Variants in SHANK2 observed in about 807,000 individuals in gnomAD.
SHANK2 encodes the protein SH3 and multiple ankyrin repeat domains 2, also known as SH3 and multiple ankyrin repeat domains protein 2.
SHANK2 carries 43 observed loss-of-function variants against 133.7 expected under a neutral mutation model. The observed-to-expected ratio is 0.32, with a 90% confidence interval of 0.25 to 0.41. The LOEUF is 0.41. SHANK2 is among the 10% of genes least tolerant of loss of function. The pLI, the probability that SHANK2 is intolerant of heterozygous loss-of-function variation, is 1.00. For missense variants in SHANK2, 1,994 were observed against 2,235.8 expected, an observed-to-expected ratio of 0.89 and a Z score of 2.18; for synonymous variants, 1,017 against 952.8, an observed-to-expected ratio of 1.07 and a Z score of -1.24.
intron 15 of SHANK2, among the ~76,000 whole-genome samples, chr11:70,693,428 G>A (rs1945330583): frequency 6.6e-6 from 1 of 151,992 alleles, no homozygotes; most frequent in African/African-American, 2.4e-5. Context: ...TCTCTTGAGG[G>A]GTGATTCCTC....
chr11:70,825,423 A>AG (rs1424712154), intron 11 of SHANK2, among the ~76,000 whole-genome samples: 3 of 152,184 alleles, frequency 2.0e-5, no homozygotes, highest in African/African-American at 7.2e-5. Context: ...ATGGACTTAG[A>AG]GGGGGGAAGA....
chr11:70,807,457 C>A lies in SHANK2; in HGVS notation c.1494-286G>T, dbSNP rs2135273277. 1.3e-5 allele frequency among the ~76,000 whole-genome samples: 2 copies of A among 152,310 alleles called. No homozygotes were observed. The highest frequency in any genetic ancestry group is 1.9e-4 in the East Asian group (1 of 5,164). On this transcript the variant is annotated intron_variant, in intron 12 of 25. Coordinates refer to ENST00000601538, the MANE Select transcript of SHANK2 (RefSeq NM_012309.5). This position sits in a 1 kb window ranked among gnomAD's most constrained non-coding sequence, Gnocchi z 4.8. ...TTCACAGTGGCACCGTTCACAGCAG[C>A]CCAAGGGTCCCTCCACAGAATGGAG...
chr11:70,649,029 G>A (rs963948044), intron 17 of SHANK2, among the ~76,000 whole-genome samples: 16 of 152,174 alleles, frequency 1.1e-4, no homozygotes, highest in Non-Finnish European at 2.2e-4. Flanking sequence ...CAAGTGTCTG[G>A]GGACAGGAGG....
intron 17 of SHANK2, among the ~76,000 whole-genome samples, chr11:70,632,601 A>G (rs1197667362): frequency 6.6e-6 from 1 of 151,676 alleles, no homozygotes; most frequent in Non-Finnish European, 1.5e-5. Context: ...CTCCCCACAT[A>G]CCATTTTCCC....
chr11:70,601,631 C>A (rs958627495), intron 17 of SHANK2, among the ~76,000 whole-genome samples: 1 of 152,152 alleles, frequency 6.6e-6, no homozygotes, highest in African/African-American at 2.4e-5. Flanking sequence ...AGATTACAGG[C>A]GTGAGCCACC....
intron 2 of SHANK2, among the ~76,000 whole-genome samples, chr11:71,169,753 T>C (rs986609230): frequency 9.6e-5 from 6 of 62,762 alleles, no homozygotes; most frequent in African/African-American, 3.6e-4. Flanking sequence ...AGACTCCATC[T>C]CAAAAAAAAA....
chr11:71,085,999 T>A, intron 8 of SHANK2, among the ~76,000 whole-genome samples: 1 of 87,082 alleles, frequency 1.1e-5, no homozygotes. Flanking sequence ...TATATTATGT[T>A]ATATATTATT....
chr11:71,222,994 A>G (rs17347329), intron 2 of SHANK2, among the ~76,000 whole-genome samples: 6,713 of 152,316 alleles, frequency 0.044, 196 homozygotes, highest in Middle Eastern at 0.078. Flanking sequence ...CCGTGTCACC[A>G]TCCCTCCATC....
chr11:71,082,951 C>CG (rs1325740500), intron 8 of SHANK2, among the ~76,000 whole-genome samples: 7 of 148,412 alleles, frequency 4.7e-5, no homozygotes, highest in African/African-American at 7.5e-5. Flanking sequence ...CCGCCCCCCC[C>CG]CCAACCCTTC....
rs192325796 is a variant in SHANK2, at chr11:70,685,902, C to T, written c.1853+12786G>A. On this transcript the variant is annotated intron_variant, in intron 15 of 25. Coordinates refer to ENST00000601538, the MANE Select transcript of SHANK2 (RefSeq NM_012309.5). ...GCACACTGCCCAACTTTGGTCCCCA[C>T]CCTTACCCCAAGTCACAGATTCAGT... 4.0e-3 allele frequency among the ~76,000 whole-genome samples: 612 copies of T among 152,230 alleles called. 2 individuals carry two copies. Among genetic ancestry groups the T allele is most frequent in the Non-Finnish European group, 6.8e-3 (464 of 68,012 alleles).
intron 10 of SHANK2, among the ~76,000 whole-genome samples, chr11:70,915,875 T>C (rs143072722): frequency 3.2e-4 from 49 of 152,254 alleles, no homozygotes; most frequent in African/African-American, 1.1e-3. Context: ...AGGCACAACA[T>C]CATTTTTTTC....
At chr11:70,596,258 T>C (rs1490518660) in intron 17 of SHANK2, among the ~76,000 whole-genome samples, 1 of 152,206 alleles carries the variant, frequency 6.6e-6, no homozygotes, top group African/African-American at 2.4e-5. Context: ...GCCCGGACGC[T>C]TCCCAGTGCC....
chr11:70,548,816 T>C (rs2059728126), intron 17 of SHANK2, among the ~76,000 whole-genome samples: 1 of 152,104 alleles, frequency 6.6e-6, no homozygotes, highest in African/African-American at 2.4e-5. Flanking sequence ...AATCCAGTCA[T>C]TGGTGTTCTC....
At chr11:70,889,079 G>T (rs1398407608) in intron 11 of SHANK2, among the ~76,000 whole-genome samples, 1 of 152,206 alleles carries the variant, frequency 6.6e-6, no homozygotes, top group Non-Finnish European at 1.5e-5. Context: ...GTCCTAATCC[G>T]TGGGACCTAA....
intron 17 of SHANK2, among the ~76,000 whole-genome samples, chr11:70,593,099 C>T (rs1259978015): frequency 6.6e-6 from 1 of 152,232 alleles, no homozygotes; most frequent in Non-Finnish European, 1.5e-5. Context: ...GCTGCCCCTG[C>T]TGCCTGTCAA....
intron 2 of SHANK2, among the ~76,000 whole-genome samples, chr11:71,222,833 A>T (rs537456666): frequency 6.6e-6 from 1 of 152,312 alleles, no homozygotes; most frequent in South Asian, 2.1e-4. Context: ...CATCCTTGTG[A>T]CACCTTTCGA....
At chr11:70,905,112 C>T (rs1242872730) in intron 10 of SHANK2, among the ~76,000 whole-genome samples, 2 of 152,138 alleles carry the variant, frequency 1.3e-5, no homozygotes, top group Non-Finnish European at 2.9e-5. Context: ...GACAGCCCCA[C>T]AGGGACTCAG....
At chr11:71,246,740 C>G (rs1954966316) in intron 1 of SHANK2, among the ~76,000 whole-genome samples, 1 of 152,124 alleles carries the variant, frequency 6.6e-6, no homozygotes, top group South Asian at 2.1e-4. Context: ...CCCCCGGAAG[C>G]TGGTGAGGGG....
At position 70,807,269 on chromosome 11, in the gene SHANK2, G is replaced by A. The variant is rs947876985; in HGVS notation, c.1494-98C>T. The A allele has an allele frequency of 3.3e-5, 22 of 669,522 alleles. No homozygotes were observed. Among genetic ancestry groups the A allele is most frequent in the African/African-American group, 5.5e-5 (3 of 54,958 alleles). The allele number at this position is 669,522 out of a possible 1,614,324, so 41.5% of individuals were successfully genotyped here. On this transcript the variant is annotated intron_variant, in intron 12 of 25. Coordinates refer to ENST00000601538, the MANE Select transcript of SHANK2 (RefSeq NM_012309.5). This position sits in a 1 kb window ranked among gnomAD's most constrained non-coding sequence, Gnocchi z 4.8. ...AGCCAAGCCATTCAACGCATGCTGC[G>A]CCTCGGCTGGCCGCATCAGAACTCC...
Sources: gnomAD v4.1 joint callset for allele counts (sites outside exome capture counted in the v4.1 genomes callset) on GRCh38, gnomAD v4.1.1 for gene constraint, Gnocchi (gnomAD v3.1) non-coding constraint, MANE v1.5 for transcripts, NCBI Gene and HGNC (gene_info 2026-07-23, HGNC 2026-07-21) for gene names.